PLCXD3: variants seen among roughly 807,000 people sequenced by gnomAD.
The protein encoded by PLCXD3 is PI-PLC X domain-containing protein 3.
A neutral mutation model predicts 25.5 loss-of-function variants in PLCXD3; 19 were observed. The ratio of observed to expected loss-of-function variants is 0.75; its 90% CI spans 0.52 to 1.09. The LOEUF (loss-of-function observed/expected upper bound fraction) is 1.09. Ranked by LOEUF, PLCXD3 falls within the 50% of genes least tolerant of loss-of-function variation. PLCXD3 has a pLI of 0.00. For missense variants in PLCXD3, 411 were observed against 388.1 expected, an observed-to-expected ratio of 1.06 and a Z score of -0.50; for synonymous variants, 174 against 137.6, an observed-to-expected ratio of 1.26 and a Z score of -1.85.
intron 2 of PLCXD3, among the ~76,000 whole-genome samples, chr5:41,363,600 G>A (rs1022322405): frequency 3.9e-5 from 6 of 152,210 alleles, no homozygotes; most frequent in African/African-American, 1.4e-4. Context: ...TATTGAAATT[G>A]ACTTTAGTAT....
At chr5:41,408,821 A>G (rs1293410887) in intron 1 of PLCXD3, among the ~76,000 whole-genome samples, 1 of 152,184 alleles carries the variant, frequency 6.6e-6, no homozygotes, top group Non-Finnish European at 1.5e-5. Flanking sequence ...ATTTGTAACG[A>G]TCACCCTTCC....
At position 41,308,262 on chromosome 5, in the gene PLCXD3, C is replaced by T. The variant is rs1743048467; in HGVS notation, c.*5355G>A. Reference sequence around the variant, plus strand: ...AAAATATATAGGACATACCCAGTTACATTTGAATTTCAGATAAACTTTTTT... The same window carrying T: ...AAAATATATAGGACATACCCAGTTATATTTGAATTTCAGATAAACTTTTTT... On this transcript the variant is annotated 3_prime_UTR_variant, in exon 3 of 3. Coordinates refer to ENST00000377801, the MANE Select transcript of PLCXD3 (RefSeq NM_001005473.3). The T allele has an allele frequency of 6.6e-6, 1 of 152,054 alleles. No individual in the cohort carries two copies. The highest frequency in any genetic ancestry group is 1.5e-5 in the Non-Finnish European group (1 of 68,006). 9.4% of individuals were successfully genotyped at this position (152,054 alleles called of 1,614,324 possible). A position where few individuals can be genotyped will look rare whatever the true frequency, so the allele number is the denominator to read the frequency against.
Position 41,449,829 on chromosome 5 carries a change from C to A in PLCXD3, c.103+60595G>T, listed in dbSNP as rs562957387. The stretch of plus-strand genomic sequence containing the variant: ...CTTGCATTAAAAAGCCATTGGTGGG[C>A]ATAGGAATGGGGGGCGAGGAAGGGC... On this transcript the variant is annotated intron_variant, in intron 1 of 2. Transcript: ENST00000377801. Among the ~76,000 whole-genome samples, 4 of 152,054 alleles carry A rather than the reference C, an allele frequency of 2.6e-5. No homozygotes were observed. The South Asian group carries it at 8.3e-4, about 32-fold the overall frequency.
chr5:41,319,832 A>G (rs1377000200), intron 2 of PLCXD3, among the ~76,000 whole-genome samples: 3 of 152,190 alleles, frequency 2.0e-5, no homozygotes, highest in African/African-American at 7.2e-5. Flanking sequence ...TCATTTGTTG[A>G]AAAGTTAAGC....
chr5:41,315,523 T>A (rs1743265441), intron 2 of PLCXD3, among the ~76,000 whole-genome samples: 1 of 152,082 alleles, frequency 6.6e-6, no homozygotes, highest in Non-Finnish European at 1.5e-5. Flanking sequence ...TGCAAGGTCA[T>A]CGTCCTTCCT....
rs758725111 is a variant in PLCXD3 at position 41,382,065 on chromosome 5, C to T, written c.573G>A (p.Val191=). The T allele has an allele frequency of 6.2e-7, 1 of 1,613,676 alleles. No homozygotes were observed. Among genetic ancestry groups the T allele is most frequent in the Non-Finnish European group, 8.5e-7 (1 of 1,179,756 alleles). The change falls in exon 2 of 3, where the codon GTG becomes GTA. Residue 191 remains valine (V), a synonymous_variant. Coordinates refer to ENST00000377801, the MANE Select transcript of PLCXD3 (RefSeq NM_001005473.3). ...LKYLWEKDYQ[V]LVFYHSPVAL... is the part of the protein sequence containing the mutation. ...CCACTGGACTATGGTAGAAGACCAG[C>T]ACTTGATAGTCCTTCTCCCACAGGT...
At chr5:41,443,720 C>T (rs1164255747) in intron 1 of PLCXD3, among the ~76,000 whole-genome samples, 1 of 152,062 alleles carries the variant, frequency 6.6e-6, no homozygotes, top group Non-Finnish European at 1.5e-5. Context: ...TTTAAGGAAA[C>T]TTGGGATGTG....
chr5:41,342,093 G>A (rs1189035058), intron 2 of PLCXD3, among the ~76,000 whole-genome samples: 1 of 152,270 alleles, frequency 6.6e-6, no homozygotes, highest in East Asian at 1.9e-4. Context: ...GTTACTTTTG[G>A]AAATGAGCAC....
At chr5:41,407,156 A>T (rs1413655484) in intron 1 of PLCXD3, among the ~76,000 whole-genome samples, 1 of 152,110 alleles carries the variant, frequency 6.6e-6, no homozygotes, top group South Asian at 2.1e-4. Flanking sequence ...AGAGGTTTCA[A>T]ATCTGGCTGA....
chr5:41,350,145 G>A (rs1580317357), intron 2 of PLCXD3, among the ~76,000 whole-genome samples: 1 of 152,058 alleles, frequency 6.6e-6, no homozygotes, highest in African/African-American at 2.4e-5. Flanking sequence ...CCTCTCTCAC[G>A]TTTTTAAGCC....
intron 1 of PLCXD3, among the ~76,000 whole-genome samples, chr5:41,450,876 T>C (rs753238939): frequency 6.6e-6 from 1 of 151,898 alleles, no homozygotes; most frequent in Non-Finnish European, 1.5e-5. Context: ...AGGAGATGGA[T>C]TGCAGCACAG....
At chr5:41,460,123 G>C (rs927308681) in intron 1 of PLCXD3, among the ~76,000 whole-genome samples, 5 of 151,838 alleles carry the variant, frequency 3.3e-5, no homozygotes, top group African/African-American at 1.2e-4. Flanking sequence ...ATAACATAAT[G>C]GTTCCCAGTC....
chr5:41,424,319 A>G (rs967033936), intron 1 of PLCXD3, among the ~76,000 whole-genome samples: 1 of 152,104 alleles, frequency 6.6e-6, no homozygotes, highest in African/African-American at 2.4e-5. Flanking sequence ...CGAGGCGGGC[A>G]GATCACCTGA....
chr5:41,367,098 A>T (rs1005911562), intron 2 of PLCXD3, among the ~76,000 whole-genome samples: 2 of 152,216 alleles, frequency 1.3e-5, no homozygotes, highest in African/African-American at 4.8e-5. Flanking sequence ...TGCAATGAAC[A>T]TACACATGCA....
At chr5:41,345,717 CACAT>C (rs200445849) in intron 2 of PLCXD3, among the ~76,000 whole-genome samples, 1 of 150,402 alleles carries the variant, frequency 6.6e-6, no homozygotes, top group African/African-American at 2.5e-5. Flanking sequence ...CACACACACA[CACAT>C]TCAGGTCACT....
chr5:41,454,542 T>G (rs891508088), intron 1 of PLCXD3, among the ~76,000 whole-genome samples: 8 of 151,982 alleles, frequency 5.3e-5, no homozygotes, highest in African/African-American at 1.9e-4. Context: ...GGCCCCACCT[T>G]CTAATACTTT....
At chr5:41,429,104 C>CAAAG (rs1747034213) in intron 1 of PLCXD3, among the ~76,000 whole-genome samples, 1 of 152,074 alleles carries the variant, frequency 6.6e-6, no homozygotes, top group Admixed American at 6.6e-5. Context: ...ACTAAACTCT[C>CAAAG]AAAGGAGAAA....
chr5:41,326,317 TTG>T (rs1743625564), intron 2 of PLCXD3, among the ~76,000 whole-genome samples: 1 of 151,998 alleles, frequency 6.6e-6, no homozygotes, highest in African/African-American at 2.4e-5. Context: ...TGTTCCTTTT[TTG>T]TGTGTGTTAT....
intron 1 of PLCXD3, among the ~76,000 whole-genome samples, chr5:41,392,608 T>G (rs1008206712): frequency 6.6e-6 from 1 of 152,114 alleles, no homozygotes; most frequent in Non-Finnish European, 1.5e-5. Flanking sequence ...TAAGCCCAGA[T>G]AGTGAAGACT....
Sources: allele counts gnomAD v4.1 joint callset (sites outside exome capture counted in the v4.1 genomes callset), GRCh38; gene constraint gnomAD v4.1.1; transcripts MANE v1.5; gene names NCBI Gene and HGNC (gene_info 2026-07-23, HGNC 2026-07-21).